Variants in SGCD observed in about 807,000 individuals in gnomAD.
SGCD encodes the protein sarcoglycan delta.
SGCD carries 18 observed loss-of-function variants against 36.6 expected under a neutral mutation model. The ratio of observed to expected loss-of-function variants is 0.49; its 90% CI spans 0.34 to 0.73. The LOEUF (loss-of-function observed/expected upper bound fraction) is 0.73, where lower values mean the gene tolerates loss of function less well. SGCD is among the 30% of genes least tolerant of loss of function. The pLI, the probability that SGCD is intolerant of heterozygous loss-of-function variation, is 0.01. For synonymous variants in SGCD, 133 were observed against 130.6 expected (o/e 1.02, Z -0.12); for missense variants, 387 against 346.7 (o/e 1.12, Z -0.92).
chr5:155,929,572 C>T (rs2113388557), intron 1 of SGCD, among the ~76,000 whole-genome samples: 1 of 152,150 alleles, frequency 6.6e-6, no homozygotes, highest in South Asian at 2.1e-4. Context: ...TCTTCTATTC[C>T]ATCTCTCCCC....
intron 1 of SGCD, among the ~76,000 whole-genome samples, chr5:155,981,583 C>T (rs555662477): frequency 1.3e-5 from 2 of 152,234 alleles, no homozygotes; most frequent in South Asian, 4.2e-4. Context: ...CAAGTGGTTG[C>T]CCTTTACGTT....
intron 7 of SGCD, among the ~76,000 whole-genome samples, chr5:156,710,244 G>A (rs1234496479): frequency 1.3e-5 from 2 of 152,160 alleles, no homozygotes; most frequent in Non-Finnish European, 1.5e-5. Context: ...GTGAATGATT[G>A]GATGCCAGTG....
intron 3 of SGCD, among the ~76,000 whole-genome samples, chr5:156,237,023 T>A (rs919992222): frequency 6.6e-6 from 1 of 151,136 alleles, no homozygotes; most frequent in East Asian, 2.0e-4. Flanking sequence ...TTAATAGAGA[T>A]GGAGTTTCAC....
intron 3 of SGCD, among the ~76,000 whole-genome samples, chr5:156,249,495 G>C (rs1474118214): frequency 6.6e-6 from 1 of 152,042 alleles, no homozygotes; most frequent in East Asian, 1.9e-4. Context: ...CATATTCCTG[G>C]GACCTTTGAT....
At chr5:156,405,850 G>A (rs2127765666) in intron 3 of SGCD, among the ~76,000 whole-genome samples, 1 of 152,102 alleles carries the variant, frequency 6.6e-6, no homozygotes, top group Admixed American at 6.6e-5. Context: ...TGCTGAGTCT[G>A]GCCAGATACC....
chr5:156,001,531 G>A (rs1018565041), intron 1 of SGCD, among the ~76,000 whole-genome samples: 1 of 152,076 alleles, frequency 6.6e-6, no homozygotes, highest in African/African-American at 2.4e-5. Flanking sequence ...TCATTGTCTC[G>A]ATTTTGAACT....
chr5:155,840,305 G>C, the SGCD span, among the ~76,000 whole-genome samples: 1 of 149,906 alleles, frequency 6.7e-6, no homozygotes, highest in Non-Finnish European at 1.5e-5. Context: ...GTGCAGTGGC[G>C]TGATCTCGGC....
At chr5:156,021,294 T>A (rs572713028) in intron 1 of SGCD, among the ~76,000 whole-genome samples, 2 of 152,330 alleles carry the variant, frequency 1.3e-5, no homozygotes, top group East Asian at 3.9e-4. Context: ...GCATGTATTG[T>A]ATGACAGGTG....
chr5:155,971,274 A>G (rs138296697), intron 1 of SGCD, among the ~76,000 whole-genome samples: 9 of 152,272 alleles, frequency 5.9e-5, no homozygotes, highest in Admixed American at 5.2e-4. Context: ...CAACATGTCT[A>G]ATAAGCCAAG....
chr5:155,755,008 C>T, the SGCD span, among the ~76,000 whole-genome samples: 2 of 152,168 alleles, frequency 1.3e-5, no homozygotes, highest in East Asian at 1.9e-4. Context: ...CACCTGCCCT[C>T]CCCAGGCTGC....
intron 3 of SGCD, among the ~76,000 whole-genome samples, chr5:156,410,830 TC>T (rs750261586): frequency 6.6e-6 from 1 of 152,166 alleles, no homozygotes; most frequent in Non-Finnish European, 1.5e-5. Flanking sequence ...TCTGTCTCTG[TC>T]CTGCTGTTTT....
At chr5:156,194,327 A>G (rs1005486398) in intron 3 of SGCD, among the ~76,000 whole-genome samples, 3 of 152,146 alleles carry the variant, frequency 2.0e-5, no homozygotes, top group Non-Finnish European at 4.4e-5. Context: ...TGCACTGAGC[A>G]GAGATTGCTC....
At chr5:156,586,668 A>G (rs1760506406) in intron 4 of SGCD, among the ~76,000 whole-genome samples, 1 of 152,202 alleles carries the variant, frequency 6.6e-6, no homozygotes. Context: ...TTGTTCCTCA[A>G]ATGCTTTCAG....
chr5:156,447,570 TCA>T (rs1173836071), intron 3 of SGCD, among the ~76,000 whole-genome samples: 1 of 152,090 alleles, frequency 6.6e-6, no homozygotes, highest in Non-Finnish European at 1.5e-5. Flanking sequence ...ATTTTAAAAG[TCA>T]CAGTGTTCTC....
the SGCD span, among the ~76,000 whole-genome samples, chr5:155,742,932 A>T: frequency 6.6e-6 from 1 of 152,198 alleles, no homozygotes; most frequent in South Asian, 2.1e-4. Flanking sequence ...CTGGTTTGTT[A>T]TAAAGGATAT....
At chr5:156,669,679 C>A (rs10491466) in intron 7 of SGCD, among the ~76,000 whole-genome samples, 3,273 of 152,204 alleles carry the variant, frequency 0.022, 75 homozygotes, top group African/African-American at 0.046. Flanking sequence ...GGCCATAATT[C>A]TTCTCCTCAG....
chr5:156,610,028 G>T (rs977134405), intron 6 of SGCD, among the ~76,000 whole-genome samples: 6 of 152,152 alleles, frequency 3.9e-5, no homozygotes, highest in African/African-American at 1.4e-4. Flanking sequence ...ATCATCTGAA[G>T]CCTTCTTCTC....
chr5:156,193,075 C>A (rs150529880), intron 3 of SGCD, among the ~76,000 whole-genome samples: 17 of 152,126 alleles, frequency 1.1e-4, no homozygotes, highest in African/African-American at 4.1e-4. Flanking sequence ...TTGTGAAGAT[C>A]ATTTTTAGCT....
chr5:156,284,579 T>C (rs1184538221), intron 3 of SGCD, among the ~76,000 whole-genome samples: 4 of 152,086 alleles, frequency 2.6e-5, no homozygotes, highest in Non-Finnish European at 4.4e-5. Flanking sequence ...AACCATATCA[T>C]TATCTCAATA....
Sources: gnomAD v4.1 joint callset for allele counts (sites outside exome capture counted in the v4.1 genomes callset) on GRCh38, gnomAD v4.1.1 for gene constraint, MANE v1.5 for transcripts, NCBI Gene and HGNC (gene_info 2026-07-23, HGNC 2026-07-21) for gene names.